Variants in ZFP28 observed in about 807,000 individuals in gnomAD.
ZFP28 encodes the protein zinc finger protein 28 homolog.
ZFP28 carries 31 observed loss-of-function variants against 39.5 expected under a neutral mutation model. That is an observed-to-expected ratio of 0.79 (90% CI 0.59 to 1.06). ZFP28 has a LOEUF of 1.06. Ranked by LOEUF, ZFP28 falls within the 50% of genes least tolerant of loss-of-function variation. The pLI, the probability that ZFP28 is intolerant of heterozygous loss-of-function variation, is 0.00. For missense variants in ZFP28, 925 were observed against 1,048.4 expected (o/e 0.88, Z 1.63); for synonymous variants, 400 against 378.6 (o/e 1.06, Z -0.66).
intron 7 of ZFP28, chr19:56,552,152 C>T: frequency 2.8e-6 from 1 of 358,096 alleles, no homozygotes; most frequent in Non-Finnish European, 3.9e-6. Context: ...TTTAGGAGGT[C>T]TTCTCCAGTT....
At chr19:56,539,841 C>T (rs2044179519) in intron 2 of ZFP28, 125 bp downstream of exon 2, 4 of 814,706 alleles carry the variant, frequency 4.9e-6, no homozygotes, top group East Asian at 5.5e-5. Flanking sequence ...TATTTCTTCA[C>T]GTTCTAGTGA....
At chr19:56,550,889 T>C (rs2044295282) in intron 7 of ZFP28, 1 of 1,434,570 alleles carries the variant, frequency 7.0e-7, no homozygotes, top group East Asian at 2.5e-5. Flanking sequence ...CTGATGCACT[T>C]TTGAGCTGAC....
chr19:56,539,065 C>G lies in ZFP28; in HGVS notation c.47C>G (p.Pro16Arg), dbSNP rs181108606. Residue 16 changes from proline to arginine, a missense_variant, in exon 1 of 8, where the codon CCG (proline) becomes CGG (arginine). This residue lies in a region of ZFP28 where 556 missense variants were observed against 542.9 expected (regional missense o/e 1.02). Transcript: ENST00000301318. ...AGTGTCCGCGAGCCGACGCCGCTCC[C>G]GGGTAGAGGCGCCCCCCGCACAAAG... ...SASVREPTPL[P>R]GRGAPRTKPR... 1.3e-4 allele frequency: 198 copies of G among 1,514,926 alleles called. No individual in the cohort carries two copies. The East Asian group carries it at 1.9e-3, about 14-fold the overall frequency. 93.8% of individuals were successfully genotyped at this position (1,514,926 alleles called of 1,614,324 possible). A position where few individuals can be genotyped will look rare whatever the true frequency, so the allele number is the denominator to read the frequency against.
chr19:56,541,310 A>C (rs1237184254), intron 2 of ZFP28, among the ~76,000 whole-genome samples: 2 of 147,850 alleles, frequency 1.4e-5, no homozygotes, highest in Non-Finnish European at 3.0e-5. Context: ...CCTGATGCAA[A>C]TCCTGTCAGT....
At chr19:56,543,271 T>C (rs2044211322) in intron 2 of ZFP28, among the ~76,000 whole-genome samples, 1 of 149,668 alleles carries the variant, frequency 6.7e-6, no homozygotes, top group African/African-American at 2.4e-5. Flanking sequence ...GCTTTTATTT[T>C]TTGTTGGTAT....
chr19:56,554,080 G>C lies in ZFP28; in HGVS notation c.1295G>C (p.Ser432Thr). ...GAATGTAAGAAAACTTTTACCCAGAGCTCATCTCTTACTGTTCATCAGAGA... is the reference window on the plus strand; with the variant it reads ...GAATGTAAGAAAACTTTTACCCAGACCTCATCTCTTACTGTTCATCAGAGA... ...CNECKKTFTQSSSLTVHQRIH... is the reference protein window; with the variant it reads ...CNECKKTFTQTSSLTVHQRIH... Residue 432 changes from serine to threonine, a missense_variant, in exon 8 of 8, where the codon AGC becomes ACC. By Grantham distance (58) the Ser-to-Thr change is moderately conservative. Around this residue, in one of 2 missense-constraint regions of ZFP28, gnomAD observed 556 missense variants for 542.9 expected, o/e 1.02. Coordinates refer to ENST00000301318, the MANE Select transcript of ZFP28 (RefSeq NM_020828.2). This position sits in a 1 kb window ranked among gnomAD's most constrained non-coding sequence, Gnocchi z 6.7. 6.2e-7 allele frequency: 1 copy of C among 1,614,212 alleles called. No homozygotes were observed. The highest frequency in any genetic ancestry group is 8.5e-7 in the Non-Finnish European group (1 of 1,180,036).
chr19:56,549,601 C>T (rs902996568), intron 5 of ZFP28, among the ~76,000 whole-genome samples: 10 of 151,706 alleles, frequency 6.6e-5, no homozygotes, highest in Admixed American at 2.6e-4. Flanking sequence ...GGCATGAACC[C>T]GGGAGGCGGA....
rs1305776482 is a variant in ZFP28 at position 56,556,671 on chromosome 19, A to G, written c.*1279A>G. The G allele has an allele frequency of 6.6e-6, 1 of 152,190 alleles. No individual in the cohort carries two copies. The highest frequency in any genetic ancestry group is 1.5e-5 in the Non-Finnish European group (1 of 68,024). The allele number at this position is 152,190 out of a possible 1,614,324, so 9.4% of individuals were successfully genotyped here. ...TAAAAGATTTTAATTTTATGAGGGC[A>G]ATACAACTGTCACATCAGAAACAAG... On this transcript the variant is annotated 3_prime_UTR_variant, in exon 8 of 8. Transcript: ENST00000301318.
In ZFP28 at chr19:56,555,208, C is replaced by T; in HGVS notation, c.2423C>T (p.Thr808Ile). The T allele has an allele frequency of 6.2e-7, 1 of 1,614,174 alleles. No individual in the cohort carries two copies. The highest frequency in any genetic ancestry group is 8.5e-7 in the Non-Finnish European group (1 of 1,180,036). ...CTTAATCAACATAAGAGAGTTCATACTGGAGAGAGATCTTATAACTATAAG... is the reference window on the plus strand; with the variant it reads ...CTTAATCAACATAAGAGAGTTCATATTGGAGAGAGATCTTATAACTATAAG... Reference protein sequence around the residue: ...GHLNQHKRVHTGERSYNYKKS... With the variant: ...GHLNQHKRVHIGERSYNYKKS... Residue 808 changes from threonine (T) to isoleucine (I), a missense_variant, in exon 8 of 8, where the codon ACT (threonine) becomes ATT (isoleucine). Thr to Ile is a moderately conservative substitution (Grantham distance 89). This residue lies in a region of ZFP28 where 369 missense variants were observed against 505.5 expected (regional missense o/e 0.73). Coordinates refer to ENST00000301318, the MANE Select transcript of ZFP28 (RefSeq NM_020828.2).
chr19:56,553,778 T>A lies in ZFP28; in HGVS notation c.993T>A (p.Asp331Glu), dbSNP rs368514272. 7.4e-6 allele frequency: 12 copies of A among 1,614,032 alleles called. No individual in the cohort carries two copies. In the African/African-American group the frequency reaches 1.6e-4, roughly 22 times the overall value. The change falls in exon 8 of 8, where the codon GAT becomes GAA. Residue 331 changes from aspartate to glutamate, a missense_variant. Asp to Glu is a conservative substitution (Grantham distance 45). Transcript: ENST00000301318. ...ACAGAACCTCAAACACTAAACTTGA[T>A]TGTTCCAGTTTCAGAGAAAATTGGG... ...VTDRTSNTKL[D>E]CSSFRENWDS...
chr19:56,539,756 T>C, intron 2 of ZFP28, 40 bp downstream of exon 2: 1 of 1,574,584 alleles, frequency 6.4e-7, no homozygotes, highest in South Asian at 1.1e-5. Flanking sequence ...AAATGCAGTC[T>C]TGCTTTTCGG....
Position 56,554,051 on chromosome 19 carries a change from T to C in ZFP28, c.1266T>C (p.Cys422=). The C allele has an allele frequency of 6.2e-7, 1 of 1,614,164 alleles. No individual in the cohort carries two copies. The highest frequency in any genetic ancestry group is 8.5e-7 in the Non-Finnish European group (1 of 1,180,028). The change falls in exon 8 of 8, where the codon TGT becomes TGC. Residue 422 remains cysteine, a synonymous_variant. Transcript: ENST00000301318. The surrounding 1 kb of genome is among the most constrained non-coding windows in gnomAD (Gnocchi z 6.7). ...GIYAGKKLFK[C]NECKKTFTQS... The stretch of plus-strand genomic sequence containing the variant: ...ATGCAGGAAAAAAGCTTTTCAAGTG[T>C]AATGAATGTAAGAAAACTTTTACCC...
chr19:56,555,289 A>T lies in ZFP28; in HGVS notation c.2504A>T (p.His835Leu), dbSNP rs373726173. The change falls in exon 8 of 8, where the codon CAT becomes CTT. Residue 835 changes from histidine (H) to leucine (L), a missense_variant. By Grantham distance (99) the His-to-Leu change is moderately conservative. Coordinates refer to ENST00000301318, the MANE Select transcript of ZFP28 (RefSeq NM_020828.2). ...CACTTAGCTCATCATCAGCGAATTC[A>T]TACTGGAGAGTCGTCAACATGCCCC... ...TAHLAHHQRIHTGESSTCPSL... is the reference protein window; with the variant it reads ...TAHLAHHQRILTGESSTCPSL... The T allele has an allele frequency of 6.2e-7, 1 of 1,614,080 alleles. No individual in the cohort carries two copies. Among genetic ancestry groups the T allele is most frequent in the African/African-American group, 1.3e-5 (1 of 74,928 alleles).
In ZFP28 at chr19:56,550,043, A is replaced by T. The variant is rs764233866; in HGVS notation, c.688-24A>T. 4 of 1,587,140 alleles carry T rather than the reference A, an allele frequency of 2.5e-6. No individual in the cohort carries two copies. In the East Asian group the frequency reaches 9.0e-5, roughly 36 times the overall value. On this transcript the variant is annotated intron_variant, in intron 5 of 7. Coordinates refer to ENST00000301318, the MANE Select transcript of ZFP28 (RefSeq NM_020828.2). ...GAGTTCACGAACATGGTTTGATTTAAAAAACGTGCTTTTACCATTGCAGGG... is the reference window on the plus strand; with the variant it reads ...GAGTTCACGAACATGGTTTGATTTATAAAACGTGCTTTTACCATTGCAGGG...
chr19:56,550,741 C>G, intron 7 of ZFP28, 136 bp downstream of exon 7: 1 of 1,547,804 alleles, frequency 6.5e-7, no homozygotes, highest in East Asian at 2.4e-5. Flanking sequence ...AAATTGAACT[C>G]TGGGAGTTCC....
chr19:56,554,106 A>G lies in ZFP28; in HGVS notation c.1321A>G (p.Ile441Val). The change falls in exon 8 of 8, where the codon ATT (isoleucine) becomes GTT (valine). Residue 441 changes from isoleucine to valine, a missense_variant. Physicochemically the swap from Ile to Val is conservative, Grantham distance 29 (BLOSUM62 3). Transcript: ENST00000301318. The surrounding 1 kb of genome is among the most constrained non-coding windows in gnomAD (Gnocchi z 6.7). ...CTCATCTCTTACTGTTCATCAGAGA[A>G]TTCACACTGGAGAGAAACCTTATAA... Reference protein sequence around the residue: ...QSSSLTVHQRIHTGEKPYKCN... With the variant: ...QSSSLTVHQRVHTGEKPYKCN... The G allele has an allele frequency of 1.4e-5, 22 of 1,614,256 alleles. No homozygotes were observed. Among genetic ancestry groups the G allele is most frequent in the Non-Finnish European group, 1.9e-5 (22 of 1,180,036 alleles).
At position 56,547,826 on chromosome 19, in the gene ZFP28, C is replaced by G. The variant is rs762488738; in HGVS notation, c.447C>G (p.Pro149=). The G allele has an allele frequency of 1.9e-6, 3 of 1,613,964 alleles. No individual in the cohort carries two copies. The highest frequency in any genetic ancestry group is 1.7e-5 in the Admixed American group (1 of 60,000). Residue 149 remains proline (P), a synonymous_variant, in exon 4 of 8, where the codon CCC becomes CCG. Transcript: ENST00000301318. This position sits in a 1 kb window ranked among gnomAD's most constrained non-coding sequence, Gnocchi z 4.6. ...GTCTAGGACTTTGTGTTTCTAAGCC[C>G]GATGTGATCTCCTCGTTGGAACAAG... The part of the protein sequence containing the change: ...LASLGLCVSK[P]DVISSLEQGK...
chr19:56,544,898 C>T (rs145002736), intron 2 of ZFP28, among the ~76,000 whole-genome samples: 18 of 152,260 alleles, frequency 1.2e-4, no homozygotes, highest in Non-Finnish European at 1.0e-4. Context: ...ATATTGCTAA[C>T]GTTGGGTCCC....
At chr19:56,553,382 G>A (rs996913900) in intron 7 of ZFP28, among the ~76,000 whole-genome samples, 8 of 151,980 alleles carry the variant, frequency 5.3e-5, no homozygotes, top group Non-Finnish European at 1.0e-4. Flanking sequence ...TACCATGCCT[G>A]GCTAATTTTA....
Sources: allele counts gnomAD v4.1 joint callset (sites outside exome capture counted in the v4.1 genomes callset), GRCh38; gene constraint gnomAD v4.1.1; regional missense constraint gnomAD v4.1.1; non-coding constraint Gnocchi (gnomAD v3.1); transcripts MANE v1.5; gene names NCBI Gene and HGNC (gene_info 2026-07-23, HGNC 2026-07-21).